The following NEMP2 variants were observed in gnomAD, a reference collection of about 807,000 sequenced individuals.
NEMP2 encodes the protein UPF0571 transmembrane protein.
Under a neutral mutation model 54.2 loss-of-function variants are expected in NEMP2, and 53 were observed. The observed-to-expected ratio is 0.98, with a 90% CI of 0.78 to 1.23. The LOEUF is 1.23. NEMP2 is among the 50% of genes most tolerant of loss of function. The pLI is 0.00. For synonymous variants in NEMP2, 197 were observed against 190.3 expected (o/e 1.04, Z -0.29); for missense variants, 455 against 511.3 (o/e 0.89, Z 1.06).
the NEMP2 span, among the ~76,000 whole-genome samples, chr2:190,646,265 C>T: frequency 2.0e-5 from 3 of 152,184 alleles, no homozygotes; most frequent in African/African-American, 7.2e-5. Context: ...TAATCAGACA[C>T]CATAATTGTT....
chr2:190,570,523 G>T, the NEMP2 span, among the ~76,000 whole-genome samples: 1 of 152,198 alleles, frequency 6.6e-6, no homozygotes, highest in Admixed American at 6.5e-5. The surrounding 1 kb of genome is among the most constrained non-coding windows in gnomAD (Gnocchi z 5.4). Context: ...AATCTTCTTA[G>T]CAGGAAGCTA....
At chr2:190,446,721 G>A in the NEMP2 span, among the ~76,000 whole-genome samples, 8 of 152,174 alleles carry the variant, frequency 5.3e-5, no homozygotes, top group African/African-American at 1.2e-4. Flanking sequence ...ATGGATGTTC[G>A]TTCTGGGTCT....
Position 190,533,734 on chromosome 2 carries a change from A to C in NEMP2, c.97+825T>G, listed in dbSNP as rs528431684. On this transcript the variant is annotated intron_variant, in intron 1 of 8. Coordinates refer to ENST00000409150, the MANE Select transcript of NEMP2 (RefSeq NM_001142645.2). The surrounding 1 kb of genome is among the most constrained non-coding windows in gnomAD (Gnocchi z 4.3). ...CAAAGCAAGGAAGGGAAGTTGGTAGACAGTGCACCCAGGAAATCTTTTAAA... is the reference window on the plus strand; with the variant it reads ...CAAAGCAAGGAAGGGAAGTTGGTAGCCAGTGCACCCAGGAAATCTTTTAAA... Among the ~76,000 whole-genome samples the C allele has an allele frequency of 4.5e-4, 69 of 152,200 alleles. 2 individuals carry two copies. Among genetic ancestry groups the C allele is most frequent in the Non-Finnish European group, 5.4e-4 (37 of 68,000 alleles).
chr2:190,476,597 C>G, the NEMP2 span, among the ~76,000 whole-genome samples: 3 of 152,172 alleles, frequency 2.0e-5, no homozygotes, highest in Non-Finnish European at 4.4e-5. Context: ...CACTTTTACA[C>G]TGTTGGTGGG....
chr2:190,635,039 C>T, the NEMP2 span, among the ~76,000 whole-genome samples: 5 of 152,246 alleles, frequency 3.3e-5, no homozygotes, highest in Middle Eastern at 3.4e-3. This position sits in a 1 kb window ranked among gnomAD's most constrained non-coding sequence, Gnocchi z 4.1. Flanking sequence ...TAATAAGCCA[C>T]GTGATTTGAG....
At chr2:190,426,121 C>T in the NEMP2 span, among the ~76,000 whole-genome samples, 1 of 152,126 alleles carries the variant, frequency 6.6e-6, no homozygotes, top group African/African-American at 2.4e-5. The surrounding 1 kb of genome is among the most constrained non-coding windows in gnomAD (Gnocchi z 4.7). Context: ...AGTTTTTAGC[C>T]TTTACTTCTT....
At chr2:190,538,742 G>A (rs1462627464), upstream of NEMP2, among the ~76,000 whole-genome samples, 1 of 151,930 alleles carries the variant, frequency 6.6e-6, no homozygotes, top group Non-Finnish European at 1.5e-5. The surrounding 1 kb of genome is among the most constrained non-coding windows in gnomAD (Gnocchi z 4.1). Flanking sequence ...ATACCTGTTA[G>A]CTATTTGTAT....
At chr2:190,497,394 G>A in the NEMP2 span, 3 of 1,588,340 alleles carry the variant, frequency 1.9e-6, no homozygotes, top group Non-Finnish European at 2.6e-6. This position sits in a 1 kb window ranked among gnomAD's most constrained non-coding sequence, Gnocchi z 5.2. Context: ...GTTCAAATAT[G>A]TAGAAAATGC....
rs1286746977 is a variant in NEMP2 at position 190,510,412 on chromosome 2, T to G, written c.1079A>C (p.Lys360Thr). The G allele has an allele frequency of 6.4e-7, 1 of 1,551,656 alleles. No homozygotes were observed. Among genetic ancestry groups the G allele is most frequent in the East Asian group, 2.4e-5 (1 of 40,900 alleles). The change falls in exon 8 of 9, where the codon AAA becomes ACA. Residue 360 changes from lysine to threonine, a missense_variant. By Grantham distance (78) the Lys-to-Thr change is moderately conservative (BLOSUM62 -1). This residue lies in a region of NEMP2 where 294 missense variants were observed against 333.6 expected (regional missense o/e 0.88). Coordinates refer to ENST00000409150, the MANE Select transcript of NEMP2 (RefSeq NM_001142645.2). The surrounding 1 kb of genome is among the most constrained non-coding windows in gnomAD (Gnocchi z 5.7). Reference protein sequence around the residue: ...ALEELRRACRKPDFPSWLVVS... With the variant: ...ALEELRRACRTPDFPSWLVVS... ...GACCAGCCATGAGGGAAAGTCGGGT[T>G]TTCGGCAGGCCCGGCGTAGCTCCTC...
the NEMP2 span, among the ~76,000 whole-genome samples, chr2:190,605,707 G>T: frequency 1.3e-5 from 2 of 152,152 alleles, no homozygotes; most frequent in Non-Finnish European, 2.9e-5. Context: ...TGCTTTTGCA[G>T]CTGCTCAACT....
chr2:190,627,988 G>A, the NEMP2 span: 1 of 152,420 alleles, frequency 6.6e-6, no homozygotes, highest in Non-Finnish European at 1.5e-5. The surrounding 1 kb of genome is among the most constrained non-coding windows in gnomAD (Gnocchi z 4.4). Context: ...CGCCTACCGC[G>A]TCCCTCCTCC....
the NEMP2 span, among the ~76,000 whole-genome samples, chr2:190,490,157 A>G: frequency 6.6e-6 from 1 of 152,176 alleles, no homozygotes. The surrounding 1 kb of genome is among the most constrained non-coding windows in gnomAD (Gnocchi z 4.5). Context: ...CTGGTATTCT[A>G]AAGGTTTTTC....
the NEMP2 span, chr2:190,608,781 A>C: frequency 6.6e-6 from 1 of 152,244 alleles, no homozygotes; most frequent in Non-Finnish European, 1.5e-5. The surrounding 1 kb of genome is among the most constrained non-coding windows in gnomAD (Gnocchi z 4.9). Context: ...ATTTTGAAGG[A>C]GCGAGAGAGA....
the NEMP2 span, among the ~76,000 whole-genome samples, chr2:190,594,761 A>G: frequency 6.6e-6 from 1 of 152,204 alleles, no homozygotes; most frequent in African/African-American, 2.4e-5. This position sits in a 1 kb window ranked among gnomAD's most constrained non-coding sequence, Gnocchi z 5.6. Context: ...GAATAGAGTT[A>G]GCTGCAAATC....
chr2:190,498,770 T>C, the NEMP2 span, among the ~76,000 whole-genome samples: 35,296 of 152,148 alleles, frequency 0.23, 5,052 homozygotes, highest in South Asian at 0.34. The surrounding 1 kb of genome is among the most constrained non-coding windows in gnomAD (Gnocchi z 5.9). Flanking sequence ...AATATTTTCA[T>C]TACTTTGTGT....
At chr2:190,449,335 A>G in the NEMP2 span, among the ~76,000 whole-genome samples, 1 of 151,884 alleles carries the variant, frequency 6.6e-6, no homozygotes, top group Non-Finnish European at 1.5e-5. Context: ...TTAGCTGGGC[A>G]TGGTGGCGGG....
At chr2:190,538,735 C>G, upstream of NEMP2, among the ~76,000 whole-genome samples, 1 of 151,594 alleles carries the variant, frequency 6.6e-6, no homozygotes, top group African/African-American at 2.4e-5. This position sits in a 1 kb window ranked among gnomAD's most constrained non-coding sequence, Gnocchi z 4.1. Context: ...TTTTCGTATA[C>G]CTGTTAGCTA....
In NEMP2 at chr2:190,527,041, G is replaced by A. The variant is rs890660829; in HGVS notation, c.98-1663C>T. The stretch of plus-strand genomic sequence containing the variant: ...TTTGAAATGAAGTGGAATGAAAGTC[G>A]TAAGTTCTTCCGGATTCAAGATAGA... On this transcript the variant is annotated intron_variant, in intron 1 of 8. Coordinates refer to ENST00000409150, the MANE Select transcript of NEMP2 (RefSeq NM_001142645.2). The surrounding 1 kb of genome is among the most constrained non-coding windows in gnomAD (Gnocchi z 4.0). Among the ~76,000 whole-genome samples the A allele has an allele frequency of 7.2e-5, 11 of 152,134 alleles. No individual in the cohort carries two copies. The highest frequency in any genetic ancestry group is 1.9e-4 in the African/African-American group (8 of 41,434).
the NEMP2 span, among the ~76,000 whole-genome samples, chr2:190,540,193 G>T: frequency 6.6e-6 from 1 of 152,042 alleles, no homozygotes; most frequent in East Asian, 1.9e-4. Flanking sequence ...TTTTGTTCTG[G>T]GTTCTGTTAA....
Sources: allele counts gnomAD v4.1 joint callset (sites outside exome capture counted in the v4.1 genomes callset), GRCh38; gene constraint gnomAD v4.1.1; regional missense constraint gnomAD v4.1.1; non-coding constraint Gnocchi (gnomAD v3.1); transcripts MANE v1.5; gene names NCBI Gene and HGNC (gene_info 2026-07-23, HGNC 2026-07-21).